Variants in DMD observed in about 807,000 individuals in gnomAD.
The protein encoded by DMD is dystrophin, also known as mutant dystrophin.
Under a neutral mutation model 330.1 loss-of-function variants are expected in DMD, and 63 were observed. The observed-to-expected ratio is 0.19, with a 90% CI of 0.16 to 0.24. The LOEUF (loss-of-function observed/expected upper bound fraction) is 0.24. Ranked by LOEUF, DMD falls within the 10% of genes least tolerant of loss-of-function variation. The probability of loss-of-function intolerance (pLI) is 1.00; values close to 1 mark genes in which losing one functional copy is unlikely to be tolerated. For missense variants in DMD, 3,344 were observed against 2,684.1 expected (o/e 1.25, Z -5.43); for synonymous variants, 1,223 against 959.8 (o/e 1.27, Z -5.07).
At chrX:32,673,437 G>GA (rs1464242015) in intron 9 of DMD, among the ~76,000 whole-genome samples, 2 of 110,672 alleles carry the variant, frequency 1.8e-5, no homozygotes, top group African/African-American at 6.5e-5. Context: ...TTGAAGTACA[G>GA]AAAAAAAAGA....
At chrX:31,200,327 G>C (rs934206054) in intron 67 of DMD, among the ~76,000 whole-genome samples, 4 of 111,723 alleles carry the variant, frequency 3.6e-5, no homozygotes, top group Middle Eastern at 9.1e-3. Flanking sequence ...ATTTGGGAAT[G>C]AGGTAGTAAA....
chrX:32,989,234 A>G (rs2092919729), intron 2 of DMD, among the ~76,000 whole-genome samples: 1 of 111,575 alleles, frequency 9.0e-6, no homozygotes, highest in Non-Finnish European at 1.9e-5. Context: ...TATGTCAAAC[A>G]GAGAAAAAAG....
intron 1 of DMD, among the ~76,000 whole-genome samples, chrX:33,024,065 G>A (rs1466426072): frequency 9.0e-6 from 1 of 111,511 alleles, no homozygotes. Flanking sequence ...TATACCCTTA[G>A]TTAACCTAAA....
At chrX:33,186,509 G>T (rs1403544019) in intron 1 of DMD, among the ~76,000 whole-genome samples, 1 of 110,755 alleles carries the variant, frequency 9.0e-6, no homozygotes, top group Non-Finnish European at 1.9e-5. Context: ...GTTACATTAG[G>T]TTTTTTTAAG....
intron 27 of DMD, among the ~76,000 whole-genome samples, chrX:32,441,716 T>A (rs1285514082): frequency 9.0e-6 from 1 of 111,578 alleles, no homozygotes; most frequent in African/African-American, 3.2e-5. Flanking sequence ...ATAGTTAAAA[T>A]TTAAGTGAGT....
chrX:31,374,783 T>G (rs186184336), intron 60 of DMD, among the ~76,000 whole-genome samples: 4,929 of 108,431 alleles, frequency 0.045, 307 homozygotes, highest in African/African-American at 0.16. Flanking sequence ...GTAACTAACC[T>G]GCACATTGTG....
At chrX:31,759,931 A>C (rs1272161184) in intron 51 of DMD, among the ~76,000 whole-genome samples, 1 of 111,999 alleles carries the variant, frequency 8.9e-6, no homozygotes, top group Non-Finnish European at 1.9e-5. Flanking sequence ...TCAGAGGGAC[A>C]TACACATCCA....
rs1261394616 is a variant in DMD at position 31,258,726 on chromosome X, G to C, written c.9286+2229C>G. On this transcript the variant is annotated intron_variant, in intron 63 of 78. Transcript: ENST00000357033. The stretch of plus-strand genomic sequence containing the variant: ...CAAGTCATGAGAGATTATCAGTTTT[G>C]AGTTTATCACCACATCTAAAGTATG... 2.7e-5 allele frequency among the ~76,000 whole-genome samples: 3 copies of C among 111,749 alleles called. No individual in the cohort carries two copies. In the Admixed American group the frequency reaches 2.9e-4, roughly 11 times the overall value.
chrX:32,954,374 G>C (rs1416670944), intron 2 of DMD, among the ~76,000 whole-genome samples: 1 of 111,832 alleles, frequency 8.9e-6, no homozygotes, highest in Non-Finnish European at 1.9e-5. Flanking sequence ...TCAGCTAAAG[G>C]AATGCTGATG....
intron 44 of DMD, among the ~76,000 whole-genome samples, chrX:31,982,586 GAA>G (rs1291950713): frequency 3.6e-5 from 4 of 111,241 alleles, no homozygotes; most frequent in Non-Finnish European, 5.7e-5. Context: ...TTTTTATAAT[GAA>G]GAGACATACG....
chrX:32,159,370 T>C (rs2096840982), intron 44 of DMD, among the ~76,000 whole-genome samples: 1 of 112,088 alleles, frequency 8.9e-6, no homozygotes. Context: ...CTAGCTCCTT[T>C]TTTGTCATAA....
intron 30 of DMD, among the ~76,000 whole-genome samples, chrX:32,404,573 T>C (rs1347144715): frequency 9.0e-6 from 1 of 111,425 alleles, no homozygotes; most frequent in Non-Finnish European, 1.9e-5. Flanking sequence ...AGGGCCATGT[T>C]TTCCCCTACA....
At chrX:32,520,339 A>C (rs1452985434) in intron 17 of DMD, among the ~76,000 whole-genome samples, 1 of 111,887 alleles carries the variant, frequency 8.9e-6, no homozygotes, top group Non-Finnish European at 1.9e-5. Flanking sequence ...ACCTACCCAA[A>C]CCAGTGAATT....
intron 37 of DMD, among the ~76,000 whole-genome samples, chrX:32,357,264 T>A (rs1454919741): frequency 1.8e-5 from 2 of 111,956 alleles, no homozygotes; most frequent in Non-Finnish European, 3.8e-5. Context: ...TTCATCATCT[T>A]CTTGGGTCCT....
At chrX:31,486,528 T>C (rs1466872845) in intron 57 of DMD, among the ~76,000 whole-genome samples, 1 of 111,979 alleles carries the variant, frequency 8.9e-6, no homozygotes, top group Non-Finnish European at 1.9e-5. Context: ...AGTGATTTCT[T>C]AAAGGAGATT....
chrX:33,136,218 G>A (rs2095525920), intron 1 of DMD, among the ~76,000 whole-genome samples: 1 of 89,800 alleles, frequency 1.1e-5, no homozygotes, highest in Admixed American at 1.5e-4. Context: ...GGGCAAGGCT[G>A]CAGTGAGCTG....
chrX:31,356,649 C>G (rs2058690180), intron 60 of DMD, among the ~76,000 whole-genome samples: 1 of 112,232 alleles, frequency 8.9e-6, no homozygotes, highest in Non-Finnish European at 1.9e-5. Flanking sequence ...AATCTTTCAC[C>G]TCACCGATTT....
At chrX:32,381,333 A>T in intron 33 of DMD, among the ~76,000 whole-genome samples, 1 of 111,457 alleles carries the variant, frequency 9.0e-6, no homozygotes, top group Non-Finnish European at 1.9e-5. Context: ...TAATTACTTG[A>T]TCCTGTGCTC....
intron 55 of DMD, among the ~76,000 whole-genome samples, chrX:31,608,490 T>C (rs1415656626): frequency 8.9e-6 from 1 of 112,146 alleles, no homozygotes; most frequent in Admixed American, 9.4e-5. Flanking sequence ...AGGCTTTATA[T>C]TTTTATCATA....
Sources: allele counts gnomAD v4.1 joint callset (sites outside exome capture counted in the v4.1 genomes callset), GRCh38; gene constraint gnomAD v4.1.1; transcripts MANE v1.5; gene names NCBI Gene and HGNC (gene_info 2026-07-23, HGNC 2026-07-21).